PTPRK: variants seen among roughly 807,000 people sequenced by gnomAD.
The protein encoded by PTPRK is protein tyrosine phosphatase receptor type K, also known as receptor-type tyrosine-protein phosphatase kappa.
In PTPRK, 75 loss-of-function variants were observed where a neutral mutation model predicts 178.0. The observed-to-expected ratio is 0.42, with a 90% CI of 0.35 to 0.51. PTPRK has a LOEUF of 0.51. Among genes scored for constraint, PTPRK ranks in the 20% least tolerant of loss-of-function variants. The pLI is 0.02. For missense variants in PTPRK, 1,441 were observed against 1,797.8 expected, an observed-to-expected ratio of 0.80 and a Z score of 3.59; for synonymous variants, 637 against 620.6, an observed-to-expected ratio of 1.03 and a Z score of -0.39.
At chr6:128,002,257 A>G (rs1777913999) in intron 15 of PTPRK, among the ~76,000 whole-genome samples, 2 of 151,850 alleles carry the variant, frequency 1.3e-5, no homozygotes, top group African/African-American at 4.8e-5. Flanking sequence ...ACAAAAATAC[A>G]AGCATAAAAT....
At chr6:128,006,011 C>T in intron 14 of PTPRK, 2 of 1,540,142 alleles carry the variant, frequency 1.3e-6, no homozygotes, top group Non-Finnish European at 8.9e-7. Flanking sequence ...TGTACATCAC[C>T]CATTTTCTAC....
chr6:128,383,659 T>A (rs1188968822), intron 2 of PTPRK, among the ~76,000 whole-genome samples: 1 of 152,174 alleles, frequency 6.6e-6, no homozygotes, highest in Non-Finnish European at 1.5e-5. Flanking sequence ...ATAAAACAGT[T>A]ATTTATCATA....
At chr6:128,092,727 T>C (rs1368702039) in intron 7 of PTPRK, among the ~76,000 whole-genome samples, 2 of 152,184 alleles carry the variant, frequency 1.3e-5, no homozygotes, top group Admixed American at 6.5e-5. Context: ...TCTACTACTA[T>C]AAAATCCATT....
At chr6:128,367,114 A>C (rs187129617) in intron 2 of PTPRK, among the ~76,000 whole-genome samples, 3 of 152,244 alleles carry the variant, frequency 2.0e-5, no homozygotes, top group African/African-American at 7.2e-5. Context: ...AAACTCCATA[A>C]GCGAAGAATA....
Position 128,384,482 on chromosome 6 carries a change from T to C in PTPRK, c.223+13084A>G, listed in dbSNP as rs1237777201. 2.0e-5 allele frequency among the ~76,000 whole-genome samples: 3 copies of C among 152,192 alleles called. No homozygotes were observed. In the East Asian group the frequency reaches 5.8e-4, roughly 29 times the overall value. ...CCAATCTTTTGGCTTCCCTAGGCCA[T>C]ACTGGTGTTAGGCCACATTCAAAGC... On this transcript the variant is annotated intron_variant, in intron 2 of 29. Transcript: ENST00000368226.
At chr6:128,425,342 G>T (rs1263723425) in intron 1 of PTPRK, among the ~76,000 whole-genome samples, 1 of 151,996 alleles carries the variant, frequency 6.6e-6, no homozygotes, top group African/African-American at 2.4e-5. Flanking sequence ...CTCCCAAAGT[G>T]CTGGGATTAC....
intron 15 of PTPRK, among the ~76,000 whole-genome samples, chr6:128,003,880 G>A (rs1056528577): frequency 6.6e-6 from 1 of 151,782 alleles, no homozygotes; most frequent in Non-Finnish European, 1.5e-5. Flanking sequence ...GCCCTGTCAT[G>A]ATTATAACTA....
chr6:128,492,593 C>A (rs571435110), intron 1 of PTPRK, among the ~76,000 whole-genome samples: 2 of 152,090 alleles, frequency 1.3e-5, no homozygotes, highest in Admixed American at 6.6e-5. Flanking sequence ...ATTTATTTTA[C>A]GGGATTTTGA....
chr6:128,291,166 C>A (rs1291530903), intron 3 of PTPRK, among the ~76,000 whole-genome samples: 2 of 151,956 alleles, frequency 1.3e-5, no homozygotes, highest in African/African-American at 4.8e-5. Context: ...AAATAAGACT[C>A]CGAAGCAATG....
At position 128,082,619 on chromosome 6, in the gene PTPRK, C is replaced by T. The variant is rs777701770; in HGVS notation, c.1595G>A (p.Arg532Lys). Residue 532 changes from arginine to lysine, a missense_variant, in exon 10 of 30, where the codon AGA (arginine) becomes AAA (lysine). Transcript: ENST00000368226. ...TQYEISYSSI[R>K]SFDPAVPVAG... ...CACTGGAACTGCAGGATCAAATGATCTTATACTGCTATAGCTGATCTGTTT... is the reference window on the plus strand; with the variant it reads ...CACTGGAACTGCAGGATCAAATGATTTTATACTGCTATAGCTGATCTGTTT... The T allele has an allele frequency of 6.2e-7, 1 of 1,609,190 alleles. No individual in the cohort carries two copies. Among genetic ancestry groups the T allele is most frequent in the Non-Finnish European group, 8.5e-7 (1 of 1,176,152 alleles).
At chr6:128,479,291 C>T (rs1403377628) in intron 1 of PTPRK, among the ~76,000 whole-genome samples, 2 of 152,024 alleles carry the variant, frequency 1.3e-5, no homozygotes, top group African/African-American at 4.8e-5. Context: ...CATTTTATTT[C>T]TGAAATGATT....
chr6:127,996,871 A>T, intron 17 of PTPRK, 30 bp downstream of exon 17: 1 of 1,594,846 alleles, frequency 6.3e-7, no homozygotes, highest in East Asian at 2.2e-5. Context: ...TATAATATTT[A>T]CATTCACCAA....
At chr6:128,125,763 C>A (rs1255345065) in intron 7 of PTPRK, among the ~76,000 whole-genome samples, 2 of 151,666 alleles carry the variant, frequency 1.3e-5, no homozygotes, top group South Asian at 4.2e-4. Flanking sequence ...GGATGCACCA[C>A]CATACCTGGC....
chr6:128,429,863 T>A (rs546912421), intron 1 of PTPRK, among the ~76,000 whole-genome samples: 1 of 152,268 alleles, frequency 6.6e-6, no homozygotes, highest in South Asian at 2.1e-4. Flanking sequence ...TCAACCATAA[T>A]GAGATATATT....
chr6:128,023,541 T>C (rs1252331713), intron 13 of PTPRK, among the ~76,000 whole-genome samples: 1 of 152,222 alleles, frequency 6.6e-6, no homozygotes, highest in Non-Finnish European at 1.5e-5. Context: ...TGGTGTGGTT[T>C]CCCAATAAAA....
chr6:128,471,972 A>G (rs1850730430), intron 1 of PTPRK, among the ~76,000 whole-genome samples: 1 of 152,076 alleles, frequency 6.6e-6, no homozygotes, highest in Admixed American at 6.6e-5. Flanking sequence ...AGACTGAAAA[A>G]AGGCGGTTGC....
At chr6:128,407,277 C>G (rs762364730) in intron 1 of PTPRK, among the ~76,000 whole-genome samples, 1 of 152,070 alleles carries the variant, frequency 6.6e-6, no homozygotes, top group Admixed American at 6.6e-5. Context: ...ATCAGAAGTT[C>G]GTGGTTCCTA....
intron 5 of PTPRK, chr6:128,232,020 CAGAAGCCT>C (rs1434500153): frequency 1.3e-5 from 2 of 152,226 alleles, no homozygotes; most frequent in African/African-American, 4.8e-5. Context: ...GTACTGAGAA[CAGAAGCCT>C]CTTCCTCTTC....
intron 7 of PTPRK, among the ~76,000 whole-genome samples, chr6:128,090,979 G>C (rs1464643300): frequency 1.3e-5 from 2 of 152,296 alleles, no homozygotes; most frequent in African/African-American, 2.4e-5. Context: ...CAAAAAGTCT[G>C]ACTTGGGGGC....
Sources: gnomAD v4.1 joint callset for allele counts (sites outside exome capture counted in the v4.1 genomes callset) on GRCh38, gnomAD v4.1.1 for gene constraint, MANE v1.5 for transcripts, NCBI Gene and HGNC (gene_info 2026-07-23, HGNC 2026-07-21) for gene names.